Variants in PTPRN2 observed in about 807,000 individuals in gnomAD.
PTPRN2 encodes protein tyrosine phosphatase receptor type N2.
In PTPRN2, 74 loss-of-function variants were observed where a neutral mutation model predicts 118.8. That is an observed-to-expected ratio of 0.62 (90% confidence interval 0.52 to 0.76). The LOEUF is 0.76. Ranked by LOEUF, PTPRN2 falls within the 30% of genes least tolerant of loss-of-function variation. The pLI, the probability that PTPRN2 is intolerant of heterozygous loss-of-function variation, is 0.00. For synonymous variants in PTPRN2, 641 were observed against 608.0 expected, an observed-to-expected ratio of 1.05 and a Z score of -0.80; for missense variants, 1,481 against 1,394.4, an observed-to-expected ratio of 1.06 and a Z score of -0.99.
intron 6 of PTPRN2, among the ~76,000 whole-genome samples, chr7:158,139,492 C>T (rs1205126112): frequency 2.6e-5 from 4 of 151,142 alleles, no homozygotes; most frequent in East Asian, 2.0e-4. Context: ...CAGGAGGGCA[C>T]GGGGGGGTGG....
intron 12 of PTPRN2, among the ~76,000 whole-genome samples, chr7:157,759,565 G>C (rs998998123): frequency 2.0e-5 from 3 of 152,156 alleles, no homozygotes; most frequent in African/African-American, 7.2e-5. Flanking sequence ...CTTTTCAAAG[G>C]CCTCCTTCAA....
At chr7:157,812,565 A>G (rs1806121896) in intron 12 of PTPRN2, among the ~76,000 whole-genome samples, 1 of 152,194 alleles carries the variant, frequency 6.6e-6, no homozygotes, top group Admixed American at 6.5e-5. Flanking sequence ...TAATGGTGAA[A>G]AGAAAGAAGT....
At chr7:157,756,106 G>C (rs968025472) in intron 12 of PTPRN2, among the ~76,000 whole-genome samples, 1 of 152,168 alleles carries the variant, frequency 6.6e-6, no homozygotes, top group Non-Finnish European at 1.5e-5. Context: ...GTGAAAAACA[G>C]TAGGAAATGC....
intron 12 of PTPRN2, among the ~76,000 whole-genome samples, chr7:157,698,542 T>C (rs935289022): frequency 6.6e-6 from 1 of 152,236 alleles, no homozygotes; most frequent in African/African-American, 2.4e-5. Flanking sequence ...TAGACTTTTC[T>C]TCCCCAAACT....
rs560412129 is a variant in PTPRN2 at position 157,611,433 on chromosome 7, A to C, written c.2345-7358T>G. On this transcript the variant is annotated intron_variant, in intron 15 of 22. Coordinates refer to ENST00000389418, the MANE Select transcript of PTPRN2 (RefSeq NM_002847.5). This position sits in a 1 kb window ranked among gnomAD's most constrained non-coding sequence, Gnocchi z 5.9. ...GCAGAATGCAGGGGGAACAGACGCC[A>C]AAGGTGTGTGGGGGTTGCCGTGGCC... Among the ~76,000 whole-genome samples the C allele has an allele frequency of 3.3e-5, 5 of 152,294 alleles. No individual in the cohort carries two copies. The highest frequency in any genetic ancestry group is 3.3e-4 in the Admixed American group (5 of 15,310).
chr7:158,071,049 T>C (rs111163555), intron 11 of PTPRN2, among the ~76,000 whole-genome samples: 13 of 50,750 alleles, frequency 2.6e-4, no homozygotes, highest in South Asian at 9.9e-4. Flanking sequence ...ATGGAGGTGC[T>C]CATGGTGGTG....
intron 10 of PTPRN2, among the ~76,000 whole-genome samples, chr7:158,085,713 CCCA>C (rs549974879): frequency 1.6e-3 from 225 of 142,252 alleles, no homozygotes; most frequent in African/African-American, 5.6e-3. Flanking sequence ...CCCATCCACA[CCCA>C]CGACGCCCAT....
chr7:157,825,004 C>A (rs62476423), intron 12 of PTPRN2, among the ~76,000 whole-genome samples: 1 of 152,194 alleles, frequency 6.6e-6, no homozygotes, highest in Non-Finnish European at 1.5e-5. Context: ...AAGGACCCTG[C>A]AGACCCCACC....
chr7:158,036,263 CA>C (rs1808084842), intron 11 of PTPRN2, among the ~76,000 whole-genome samples: 2 of 152,086 alleles, frequency 1.3e-5, no homozygotes, highest in South Asian at 4.2e-4. Context: ...AACAAAAACA[CA>C]AAATGCCAGA....
In PTPRN2 at chr7:158,359,574, T is replaced by C. The variant is rs560525428; in HGVS notation, c.164-42642A>G. Among the ~76,000 whole-genome samples, 17 of 152,266 alleles carry C rather than the reference T, an allele frequency of 1.1e-4. No homozygotes were observed. In the East Asian group the frequency reaches 2.3e-3, roughly 21 times the overall value. On this transcript the variant is annotated intron_variant, in intron 2 of 22. Coordinates refer to ENST00000389418, the MANE Select transcript of PTPRN2 (RefSeq NM_002847.5). ...AACTTTCAGCAACACCGCGACACTCTAGGTTGTTTTTTCAAAGATTAAACA... is the reference window on the plus strand; with the variant it reads ...AACTTTCAGCAACACCGCGACACTCCAGGTTGTTTTTTCAAAGATTAAACA...
chr7:157,651,484 T>G lies in PTPRN2; in HGVS notation c.2196+4873A>C, dbSNP rs535390906. Among the ~76,000 whole-genome samples, 16 of 152,310 alleles carry G rather than the reference T, an allele frequency of 1.1e-4. No homozygotes were observed. The South Asian group carries it at 3.3e-3, about 32-fold the overall frequency. On this transcript the variant is annotated intron_variant, in intron 14 of 22. Coordinates refer to ENST00000389418, the MANE Select transcript of PTPRN2 (RefSeq NM_002847.5). ...AGAAGTATGAAGCCAACTTTTTTCT[T>G]AACATCCCCACTCTCCAAAAAACGT...
rs1217753616 is a variant in PTPRN2 at position 157,795,166 on chromosome 7, GC to G, written c.1788+103506del. On this transcript the variant is annotated intron_variant, in intron 12 of 22. Transcript: ENST00000389418. ...AGGAGGCACTTCGGCGGGGTCGGGG[GC>G]GGGGGGGGCTCAAGCTAAAAGCCCC... 8.8e-4 allele frequency among the ~76,000 whole-genome samples: 119 copies of G among 135,914 alleles called. 2 individuals carry two copies. Among genetic ancestry groups the G allele is most frequent in the African/African-American group, 2.8e-3 (101 of 35,810 alleles). 89.2% of individuals were successfully genotyped at this position (135,914 alleles called of 152,430 possible).
At chr7:157,828,048 C>T (rs369800524) in intron 12 of PTPRN2, among the ~76,000 whole-genome samples, 8 of 152,220 alleles carry the variant, frequency 5.3e-5, no homozygotes, top group South Asian at 4.1e-4. Flanking sequence ...CCTGCCTTCA[C>T]GGCCACGGAA....
intron 11 of PTPRN2, among the ~76,000 whole-genome samples, chr7:158,070,844 TG>T (rs1428297178): frequency 4.1e-5 from 4 of 97,584 alleles, no homozygotes; most frequent in Non-Finnish European, 7.7e-5. Flanking sequence ...GTGCCCATGG[TG>T]GTATGGAGGT....
intron 2 of PTPRN2, among the ~76,000 whole-genome samples, chr7:158,323,638 A>G (rs924564847): frequency 6.6e-6 from 1 of 152,212 alleles, no homozygotes; most frequent in Non-Finnish European, 1.5e-5. Context: ...TAAGAAAAAG[A>G]GCTCATTTAT....
rs1328724778 is a variant in PTPRN2, at chr7:158,003,411, C to T, written c.1723+77887G>A. 1.4e-4 allele frequency among the ~76,000 whole-genome samples: 9 copies of T among 65,370 alleles called. No homozygotes were observed. Among genetic ancestry groups the T allele is most frequent in the Non-Finnish European group, 1.8e-4 (6 of 34,218 alleles). The allele number at this position is 65,370 out of a possible 152,430, so 42.9% of individuals were successfully genotyped here. ...CCTGGGAGACACAGCGAGACTCCGTCTCAAAAAAAAAAAAAAAAAAAAATG... is the reference window on the plus strand; with the variant it reads ...CCTGGGAGACACAGCGAGACTCCGTTTCAAAAAAAAAAAAAAAAAAAAATG... On this transcript the variant is annotated intron_variant, in intron 11 of 22. Coordinates refer to ENST00000389418, the MANE Select transcript of PTPRN2 (RefSeq NM_002847.5). This position sits in a 1 kb window ranked among gnomAD's most constrained non-coding sequence, Gnocchi z 5.0.
Position 158,508,269 on chromosome 7 carries a change from G to C in PTPRN2, c.113-18484C>G, listed in dbSNP as rs115650644. Among the ~76,000 whole-genome samples, 908 of 152,298 alleles carry C rather than the reference G, an allele frequency of 6.0e-3. 7 individuals carry two copies. The highest frequency in any genetic ancestry group is 0.021 in the African/African-American group (872 of 41,572). ...GCAGGAGATGACACTGTGGTCATCCGAAAGCTTTCGATGGTCGGCAGGACT... is the reference window on the plus strand; with the variant it reads ...GCAGGAGATGACACTGTGGTCATCCCAAAGCTTTCGATGGTCGGCAGGACT... On this transcript the variant is annotated intron_variant, in intron 1 of 22. Transcript: ENST00000389418.
intron 1 of PTPRN2, among the ~76,000 whole-genome samples, chr7:158,511,349 T>C (rs1823167818): frequency 6.6e-6 from 1 of 152,196 alleles, no homozygotes; most frequent in African/African-American, 2.4e-5. Flanking sequence ...TGTTATTAAG[T>C]GGATCGGACA....
intron 14 of PTPRN2, among the ~76,000 whole-genome samples, chr7:157,640,756 A>G (rs1804621117): frequency 6.6e-6 from 1 of 152,220 alleles, no homozygotes; most frequent in African/African-American, 2.4e-5. Context: ...GGGGCACCAG[A>G]GACAAGAGAA....
Sources: allele counts gnomAD v4.1 joint callset (sites outside exome capture counted in the v4.1 genomes callset), GRCh38; gene constraint gnomAD v4.1.1; non-coding constraint Gnocchi (gnomAD v3.1); transcripts MANE v1.5; gene names NCBI Gene and HGNC (gene_info 2026-07-23, HGNC 2026-07-21).